The following GTPBP6 variants were observed in gnomAD, a reference collection of about 807,000 sequenced individuals.
The protein encoded by GTPBP6 is GTP binding protein 6.
A neutral mutation model predicts 28.9 loss-of-function variants in GTPBP6; 33 were observed. The observed-to-expected ratio is 1.14, with a 90% CI of 0.87 to 1.53. The LOEUF (loss-of-function observed/expected upper bound fraction) is 1.53. Among genes scored for constraint, GTPBP6 ranks in the 40% most tolerant of loss-of-function variants. The pLI is 0.00. For synonymous variants in GTPBP6, 231 were observed against 192.7 expected (o/e 1.20, Z -1.65); for missense variants, 507 against 408.3 (o/e 1.24, Z -2.08).
intron 5 of GTPBP6, among the ~76,000 whole-genome samples, 183 bp from the exon 6 acceptor site, chrX:313,107 G>C (rs764260674): frequency 6.6e-6 from 1 of 152,220 alleles, no homozygotes; most frequent in Non-Finnish European, 1.5e-5. Flanking sequence ...TCTGCTCGGC[G>C]GAACGGGATC....
At chrX:312,741 G>T (rs767630860) in intron 6 of GTPBP6, 25 bp downstream of exon 6, 39 of 1,586,062 alleles carry the variant, frequency 2.5e-5, no homozygotes, top group Non-Finnish European at 3.3e-5. Context: ...ACCGCGGAAG[G>T]CCCCTCCCCT....
intron 7 of GTPBP6, 137 bp downstream of exon 7, chrX:311,268 CTGGCCCCTGGGCTG>C: frequency 8.9e-6 from 4 of 451,584 alleles, no homozygotes; most frequent in Non-Finnish European, 1.5e-5. Flanking sequence ...GTCCGAGGGC[CTGGCCCCTGGGCTG>C]AGTGGGTGTC....
chrX:305,099 T>C (rs1266202423), exon 10 of GTPBP6: 1 of 1,613,150 alleles, frequency 6.2e-7, no homozygotes, highest in Non-Finnish European at 8.5e-7. Flanking sequence ...CTTCCGGAAT[T>C]TGCCGTAGGC....
At chrX:318,336 A>G (rs1232544551) in intron 1 of GTPBP6, 103 bp downstream of exon 1, 1 of 377,792 alleles carries the variant, frequency 2.6e-6, no homozygotes, top group Non-Finnish European at 4.6e-6. Context: ...TCGTCCCTTC[A>G]GAGCCCCGCC....
At chrX:308,314 A>C (rs914392786) in intron 7 of GTPBP6, among the ~76,000 whole-genome samples, 18 of 150,888 alleles carry the variant, frequency 1.2e-4, no homozygotes, top group African/African-American at 4.5e-4. Flanking sequence ...TCCTTACACA[A>C]AATTTGAAAA....
intron 9 of GTPBP6, 92 bp from the exon 10 acceptor site, chrX:305,289 C>CATCA: frequency 3.9e-6 from 4 of 1,012,914 alleles, no homozygotes; most frequent in Non-Finnish European, 6.2e-6. Flanking sequence ...AAGAGCTTAG[C>CATCA]TCAAACCATT....
At position 304,898 on chromosome X, in the gene GTPBP6, G is replaced by A. The variant is rs183558494; in HGVS notation, c.*176C>T. 5,062 of 1,444,780 alleles carry A rather than the reference G, an allele frequency of 3.5e-3. 17 individuals carry two copies. The highest frequency in any genetic ancestry group is 4.0e-3 in the Non-Finnish European group (4,407 of 1,097,172). 89.5% of individuals were successfully genotyped at this position (1,444,780 alleles called of 1,614,324 possible). A position where few individuals can be genotyped will look rare whatever the true frequency, so the allele number is the denominator to read the frequency against. ...GGGCGGCCCGCTTTGGGGCAGGTGC[G>A]GCCGTGTCACCGGCCTGCACGGTCA... is the stretch of plus-strand genomic sequence containing the variant. On this transcript the variant is annotated 3_prime_UTR_variant, in exon 10 of 10. Coordinates refer to ENST00000326153, the Ensembl canonical transcript of GTPBP6.
At chrX:317,760 C>T (rs1159404362) in intron 1 of GTPBP6, among the ~76,000 whole-genome samples, 1 of 142,534 alleles carries the variant, frequency 7.0e-6, no homozygotes, top group African/African-American at 2.6e-5. Flanking sequence ...CCCCATCCCA[C>T]GGACTCCACC....
chrX:306,870 T>C (rs2070179334), intron 9 of GTPBP6, among the ~76,000 whole-genome samples: 1 of 116,838 alleles, frequency 8.6e-6, no homozygotes, highest in South Asian at 3.3e-4. Context: ...GCACCTGTTG[T>C]ATGCAGTCAG....
exon 5 of GTPBP6, chrX:314,166 G>C (rs764508610): frequency 1.9e-6 from 3 of 1,612,710 alleles, no homozygotes; most frequent in Non-Finnish European, 2.5e-6. Context: ...CCATGATGTA[G>C]CGCGAGCCGA....
chrX:316,863 C>T (rs1298577474), intron 2 of GTPBP6, 51 bp downstream of exon 2: 1 of 398,746 alleles, frequency 2.5e-6, no homozygotes, highest in East Asian at 3.6e-5. Flanking sequence ...TTTTCGGTAG[C>T]GGCGGACAGG....
chrX:312,522 A>G (rs1419131447), intron 6 of GTPBP6: 11 of 685,004 alleles, frequency 1.6e-5, no homozygotes, highest in Non-Finnish European at 2.4e-5. Context: ...GGGGTAGATG[A>G]CATCCTCACC....
chrX:316,480 C>G (rs1206406085), intron 2 of GTPBP6, among the ~76,000 whole-genome samples: 1 of 152,138 alleles, frequency 6.6e-6, no homozygotes, highest in African/African-American at 2.4e-5. Flanking sequence ...TGAGTAGCGT[C>G]TTCCCAACTC....
intron 5 of GTPBP6, 79 bp from the exon 6 acceptor site, chrX:313,003 CG>C (rs1356051442): frequency 7.0e-6 from 9 of 1,288,680 alleles, no homozygotes; most frequent in Non-Finnish European, 9.7e-6. Context: ...GGAGGGTCTG[CG>C]GGGGCCCGGG....
chrX:307,964 A>G, intron 7 of GTPBP6, 84 bp from the exon 8 acceptor site: 4 of 1,237,340 alleles, frequency 3.2e-6, no homozygotes, highest in Non-Finnish European at 1.1e-6. Flanking sequence ...AGAGGGGCTC[A>G]CACGAGCTCC....
rs779950261 is a variant in GTPBP6, at chrX:312,754, G to A, written c.916+12C>T. On this transcript the variant is annotated intron_variant, in intron 6 of 9. Transcript: ENST00000326153. The stretch of plus-strand genomic sequence containing the variant: ...AGACCGCGGAAGGCCCCTCCCCTGG[G>A]CGCGTGCTCACCGCAGTTGGTGTAC... 8 of 1,595,102 alleles carry A rather than the reference G, an allele frequency of 5.0e-6. No homozygotes were observed. The highest frequency in any genetic ancestry group is 6.8e-6 in the Non-Finnish European group (8 of 1,172,608).
chrX:315,717 C>G (rs1162533109), intron 2 of GTPBP6, among the ~76,000 whole-genome samples: 1 of 10,184 alleles, frequency 9.8e-5, no homozygotes, highest in African/African-American at 2.4e-4. Context: ...GTAAATACAT[C>G]CCGACAGGGA....
chrX:309,161 C>A (rs2070234047), intron 7 of GTPBP6, among the ~76,000 whole-genome samples: 1 of 152,202 alleles, frequency 6.6e-6, no homozygotes. Flanking sequence ...AAAAACAAAG[C>A]CGTAGCCTGA....
At chrX:313,736 G>A (rs1478710854) in intron 5 of GTPBP6, among the ~76,000 whole-genome samples, 3 of 151,924 alleles carry the variant, frequency 2.0e-5, no homozygotes, top group South Asian at 2.1e-4. Context: ...GAGTGACGCG[G>A]CCACAAACCC....
Sources: allele counts gnomAD v4.1 joint callset (sites outside exome capture counted in the v4.1 genomes callset), GRCh38; gene constraint gnomAD v4.1.1; transcripts MANE v1.5; gene names NCBI Gene and HGNC (gene_info 2026-07-23, HGNC 2026-07-21).